TENM2: variants seen among roughly 807,000 people sequenced by gnomAD.
TENM2 encodes the protein teneurin-2.
In TENM2, 52 loss-of-function variants were observed where a neutral mutation model predicts 245.2. The observed-to-expected ratio is 0.21, with a 90% CI of 0.17 to 0.27. The LOEUF (loss-of-function observed/expected upper bound fraction) is 0.27, where lower values mean the gene tolerates loss of function less well. Among genes scored for constraint, TENM2 ranks in the 10% least tolerant of loss-of-function variants. The pLI, the probability that TENM2 is intolerant of heterozygous loss-of-function variation, is 1.00. For synonymous variants in TENM2, 1,363 were observed against 1,438.9 expected (o/e 0.95, Z 1.19); for missense variants, 3,046 against 3,666.8 (o/e 0.83, Z 4.37).
At chr5:167,246,761 A>C in the TENM2 span, among the ~76,000 whole-genome samples, 1 of 151,962 alleles carries the variant, frequency 6.6e-6, no homozygotes. Flanking sequence ...GGGTAGTTTC[A>C]TGTTGGTTGG....
At position 168,177,466 on chromosome 5, in the gene TENM2, A is replaced by G. The variant is rs140895327; in HGVS notation, c.2570-12871A>G. On this transcript the variant is annotated intron_variant, in intron 13 of 28. Coordinates refer to ENST00000518659, the Ensembl canonical transcript of TENM2. ...GCTGACCTGGGGTTGAACACAGATCAGCTGCCTCTAGATCCCGTGATCATA... is the reference window on the plus strand; with the variant it reads ...GCTGACCTGGGGTTGAACACAGATCGGCTGCCTCTAGATCCCGTGATCATA... 2.2e-3 allele frequency among the ~76,000 whole-genome samples: 341 copies of G among 152,338 alleles called. 2 individuals are homozygous for G. Among genetic ancestry groups the G allele is most frequent in the Non-Finnish European group, 3.4e-3 (229 of 68,036 alleles).
At chr5:167,466,539 T>C (rs17068525) in intron 2 of TENM2, among the ~76,000 whole-genome samples, 5,310 of 152,312 alleles carry the variant, frequency 0.035, 318 homozygotes, top group East Asian at 0.2. Flanking sequence ...GGCTGATATC[T>C]TGCACCATGA....
chr5:168,126,360 G>A lies in TENM2; in HGVS notation c.2210-394G>A, dbSNP rs1395472096. 2.0e-5 allele frequency among the ~76,000 whole-genome samples: 3 copies of A among 152,252 alleles called. No individual in the cohort carries two copies. The South Asian group carries it at 6.2e-4, about 32-fold the overall frequency. ...CTTCCCGGTTAGCTTTGCCAAACTG[G>A]TTGGAGTGGTCTCAATCTCTAGAAG... On this transcript the variant is annotated intron_variant, in intron 11 of 28. Transcript: ENST00000518659.
chr5:168,039,723 A>G (rs900004180), intron 5 of TENM2, among the ~76,000 whole-genome samples: 4 of 152,074 alleles, frequency 2.6e-5, no homozygotes, highest in Non-Finnish European at 5.9e-5. Context: ...ACCCCGCACA[A>G]GGAAAAGAAA....
At chr5:167,935,185 T>C (rs949059888) in intron 3 of TENM2, among the ~76,000 whole-genome samples, 1 of 152,156 alleles carries the variant, frequency 6.6e-6, no homozygotes, top group South Asian at 2.1e-4. Flanking sequence ...TCGTGAATTA[T>C]CTGTCAGTGC....
chr5:167,364,322 AGC>A (rs1230397396), intron 1 of TENM2, among the ~76,000 whole-genome samples: 2 of 152,148 alleles, frequency 1.3e-5, no homozygotes, highest in African/African-American at 4.8e-5. Context: ...ATAGACAAAA[AGC>A]CTAGACAAAA....
intron 25 of TENM2, among the ~76,000 whole-genome samples, chr5:168,238,268 A>AGAAAAGAAAAGAAGAAAG (rs1765767563): frequency 8.3e-6 from 1 of 120,830 alleles, no homozygotes; most frequent in African/African-American, 3.6e-5. Context: ...AGAAAAGAAA[A>AGAAAAGAAAAGAAGAAAG]GAAAAGAAAA....
chr5:167,158,756 C>T, the TENM2 span, among the ~76,000 whole-genome samples: 4 of 151,958 alleles, frequency 2.6e-5, no homozygotes, highest in Admixed American at 2.0e-4. Context: ...TTATTATCTC[C>T]CAAAGTCCCC....
chr5:167,375,120 CT>C (rs1760670036), intron 1 of TENM2, 77 bp from the exon 4 acceptor site: 1 of 1,471,230 alleles, frequency 6.8e-7, no homozygotes. Context: ...AAAGTGGCTG[CT>C]TTTTTGTAAG....
chr5:167,423,787 C>T (rs1000266726), intron 2 of TENM2, among the ~76,000 whole-genome samples: 1 of 152,078 alleles, frequency 6.6e-6, no homozygotes, highest in Non-Finnish European at 1.5e-5. Context: ...CACCCTCGGC[C>T]GTAAGTGAAG....
At chr5:167,719,510 T>G (rs10045405) in intron 2 of TENM2, among the ~76,000 whole-genome samples, 6,617 of 152,000 alleles carry the variant, frequency 0.044, 461 homozygotes, top group African/African-American at 0.15. Context: ...TCTAAGGAGG[T>G]AAAAGGTGAA....
At chr5:168,174,387 A>T (rs1759142952) in intron 13 of TENM2, among the ~76,000 whole-genome samples, 1 of 152,172 alleles carries the variant, frequency 6.6e-6, no homozygotes, top group Non-Finnish European at 1.5e-5. Context: ...GCTAGGGCTA[A>T]TTTCTACCTC....
intron 12 of TENM2, among the ~76,000 whole-genome samples, chr5:168,158,986 C>CA (rs998047201): frequency 6.8e-6 from 1 of 146,232 alleles, no homozygotes; most frequent in Non-Finnish European, 1.5e-5. Flanking sequence ...TATATACACA[C>CA]AAAAAAAATC....
chr5:167,324,832 G>GA (rs373788964), intron 1 of TENM2, among the ~76,000 whole-genome samples: 1 of 151,960 alleles, frequency 6.6e-6, no homozygotes, highest in Admixed American at 6.6e-5. Flanking sequence ...TGATTTATAG[G>GA]AAAAAAGAAA....
intron 2 of TENM2, among the ~76,000 whole-genome samples, chr5:167,405,799 C>CACACACACACACACACACAT (rs1328597390): frequency 1.3e-5 from 2 of 151,440 alleles, no homozygotes; most frequent in Non-Finnish European, 2.9e-5. Context: ...CACACACACA[C>CACACACACACACACACACAT]GCACACAGAG....
intron 2 of TENM2, among the ~76,000 whole-genome samples, chr5:167,400,571 T>A (rs562552559): frequency 6.6e-6 from 1 of 151,976 alleles, no homozygotes; most frequent in African/African-American, 2.4e-5. Context: ...AATCTGGAAA[T>A]TAAGATAAGA....
chr5:167,390,518 T>G (rs1435760775), intron 2 of TENM2, among the ~76,000 whole-genome samples: 1 of 152,134 alleles, frequency 6.6e-6, no homozygotes, highest in Non-Finnish European at 1.5e-5. Context: ...ATAAACACAG[T>G]GGTGGCCCTG....
chr5:167,752,881 T>G (rs1762053038), intron 2 of TENM2, among the ~76,000 whole-genome samples: 1 of 152,208 alleles, frequency 6.6e-6, no homozygotes, highest in Non-Finnish European at 1.5e-5. Flanking sequence ...TTTAGTTATA[T>G]GGGTCTATAC....
chr5:167,619,155 T>C (rs1481354819), intron 2 of TENM2, among the ~76,000 whole-genome samples: 1 of 152,132 alleles, frequency 6.6e-6, no homozygotes, highest in Non-Finnish European at 1.5e-5. Context: ...GGTTTTTGTT[T>C]TGGTTTTCTA....
Sources: allele counts gnomAD v4.1 joint callset (sites outside exome capture counted in the v4.1 genomes callset), GRCh38; gene constraint gnomAD v4.1.1; transcripts MANE v1.5; gene names NCBI Gene and HGNC (gene_info 2026-07-23, HGNC 2026-07-21).